TECR: variants seen among roughly 807,000 people sequenced by gnomAD.
TECR encodes the protein very-long-chain enoyl-CoA reductase.
Under a neutral mutation model 50.6 loss-of-function variants are expected in TECR, and 19 were observed. The observed-to-expected ratio is 0.38, with a 90% CI of 0.26 to 0.55. The LOEUF (loss-of-function observed/expected upper bound fraction) is 0.55. Among genes scored for constraint, TECR ranks in the 20% least tolerant of loss-of-function variants. The pLI is 0.79. For missense variants in TECR, 313 were observed against 408.3 expected (o/e 0.77, Z 2.01); for synonymous variants, 168 against 163.5 (o/e 1.03, Z -0.21).
At chr19:14,546,588 A>T (rs966476511) in intron 1 of TECR, among the ~76,000 whole-genome samples, 1 of 152,158 alleles carries the variant, frequency 6.6e-6, no homozygotes, top group Non-Finnish European at 1.5e-5. Flanking sequence ...CAGGGCTCTC[A>T]CTATCTTGGC....
intron 11 of TECR, 62 bp downstream of exon 11, chr19:14,565,352 C>G: frequency 6.3e-7 from 1 of 1,594,216 alleles, no homozygotes; most frequent in Non-Finnish European, 8.6e-7. Context: ...AGGGACCAGC[C>G]CCTAGGATGG....
At chr19:14,545,793 T>TTC (rs2146589035) in intron 1 of TECR, 2 of 153,080 alleles carry the variant, frequency 1.3e-5, no homozygotes, top group East Asian at 3.9e-4. Flanking sequence ...CTGCTGTGCT[T>TTC]GGGAAAGGGC....
intron 1 of TECR, among the ~76,000 whole-genome samples, chr19:14,536,322 T>G (rs1370408769): frequency 6.7e-6 from 1 of 149,132 alleles, no homozygotes; most frequent in East Asian, 2.0e-4. Context: ...CAGGCTGGAG[T>G]GCAGTGGTGC....
At chr19:14,535,576 ATATATATATATATGTATG>A (rs1361458603) in intron 1 of TECR, among the ~76,000 whole-genome samples, 8 of 39,886 alleles carry the variant, frequency 2.0e-4, no homozygotes, top group Admixed American at 5.3e-4. Context: ...ATATATATAT[ATATATATATATATGTATG>A]TATATATAAA....
intron 1 of TECR, among the ~76,000 whole-genome samples, chr19:14,550,560 G>T (rs1343390694): frequency 6.6e-6 from 1 of 152,182 alleles, no homozygotes; most frequent in Non-Finnish European, 1.5e-5. Flanking sequence ...CCACCCAGCT[G>T]TGGGTGCAGG....
At chr19:14,565,488 C>A in intron 11 of TECR, 130 bp from the exon 12 acceptor site, 1 of 1,450,718 alleles carries the variant, frequency 6.9e-7, no homozygotes, top group Non-Finnish European at 9.4e-7. Flanking sequence ...ACAGCCCCGC[C>A]TCCGCTGGAA....
upstream of TECR, chr19:14,529,227 C>G (rs1177674977): frequency 3.6e-6 from 1 of 278,690 alleles, no homozygotes; most frequent in Non-Finnish European, 7.3e-6. Flanking sequence ...TTTACCCCTT[C>G]GGCGCCGCCT....
intron 1 of TECR, among the ~76,000 whole-genome samples, chr19:14,546,672 T>C (rs890302605): frequency 6.6e-6 from 1 of 152,188 alleles, no homozygotes; most frequent in Non-Finnish European, 1.5e-5. Flanking sequence ...CTGAAATATT[T>C]CTTAAACATT....
At position 14,529,618 on chromosome 19, in the gene TECR, A is replaced by G; in HGVS notation, c.-79A>G. ...CGTTTAGTCTATCGCTGCGGTTGCG[A>G]GCGCTGTAGGGAGCCTGTGCTGTGC... On this transcript the variant is annotated 5_prime_UTR_variant, in exon 1 of 13. Coordinates refer to ENST00000215567, the MANE Select transcript of TECR (RefSeq NM_138501.6). 1.9e-6 allele frequency: 3 copies of G among 1,608,316 alleles called. No individual in the cohort carries two copies. Among genetic ancestry groups the G allele is most frequent in the Non-Finnish European group, 1.7e-6 (2 of 1,175,412 alleles).
Position 14,563,643 on chromosome 19 carries a change from C to T in TECR, c.119-15C>T. The T allele has an allele frequency of 1.2e-6, 2 of 1,611,136 alleles. No homozygotes were observed. The highest frequency in any genetic ancestry group is 1.7e-6 in the Non-Finnish European group (2 of 1,179,822). On this transcript the variant is annotated splice_polypyrimidine_tract_variant and intron_variant, in intron 3 of 12. Coordinates refer to ENST00000215567, the MANE Select transcript of TECR (RefSeq NM_138501.6). The surrounding 1 kb of genome is among the most constrained non-coding windows in gnomAD (Gnocchi z 5.3). ...TGCCAGGCTGTGGGCTGTAACTGCC[C>T]TGTTCTCCCCGCAGATCCGCAGTGG...
rs1192473159 is a variant in TECR, at chr19:14,563,408, C to T, written c.118+151C>T. The T allele has an allele frequency of 6.9e-6, 6 of 864,426 alleles. No homozygotes were observed. The highest frequency in any genetic ancestry group is 9.4e-6 in the Non-Finnish European group (5 of 533,526). The allele number at this position is 864,426 out of a possible 1,614,324, so 53.5% of individuals were successfully genotyped here. Reference sequence around the variant, plus strand: ...TCTGGGGCGTGACTGGGGCAGGCGCCTCCACGTGGCACTCCGCAGGAACGC... The same window carrying T: ...TCTGGGGCGTGACTGGGGCAGGCGCTTCCACGTGGCACTCCGCAGGAACGC... On this transcript the variant is annotated intron_variant, in intron 3 of 12. Coordinates refer to ENST00000215567, the MANE Select transcript of TECR (RefSeq NM_138501.6). The surrounding 1 kb of genome is among the most constrained non-coding windows in gnomAD (Gnocchi z 5.3).
At chr19:14,529,876 A>G (rs144615833) in intron 1 of TECR, 165 bp downstream of exon 1, 31 of 931,160 alleles carry the variant, frequency 3.3e-5, no homozygotes, top group Middle Eastern at 3.0e-4. Context: ...GTAAATTCCA[A>G]TGCGCATGTG....
At chr19:14,551,335 A>G (rs987694958) in intron 1 of TECR, among the ~76,000 whole-genome samples, 2 of 152,128 alleles carry the variant, frequency 1.3e-5, no homozygotes, top group African/African-American at 2.4e-5. Flanking sequence ...TCGGCCTCCC[A>G]GAGTACTGGG....
intron 1 of TECR, among the ~76,000 whole-genome samples, chr19:14,543,470 G>A (rs551287393): frequency 5.5e-5 from 5 of 90,464 alleles, no homozygotes; most frequent in Admixed American, 1.7e-4. Context: ...ACGGAGTCTC[G>A]CTCTGTCGCC....
Position 14,549,683 on chromosome 19 carries a change from G to A in TECR, c.16-12842G>A, listed in dbSNP as rs556110928. Among the ~76,000 whole-genome samples, 15 of 151,846 alleles carry A rather than the reference G, an allele frequency of 9.9e-5. No homozygotes were observed. In the East Asian group the frequency reaches 1.4e-3, roughly 14 times the overall value. On this transcript the variant is annotated intron_variant, in intron 1 of 12. Coordinates refer to ENST00000215567, the MANE Select transcript of TECR (RefSeq NM_138501.6). ...CTGTAGGCCAGGCGCAGTGGCTCAC[G>A]CCTGTAATCCCAGCACTTAGGGAGG... is the stretch of plus-strand genomic sequence containing the variant.
Position 14,564,213 on chromosome 19 carries a change from A to T in TECR, c.415A>T (p.Ile139Phe), listed in dbSNP as rs1439618990. The T allele has an allele frequency of 6.2e-7, 1 of 1,608,038 alleles. No individual in the cohort carries two copies. Among genetic ancestry groups the T allele is most frequent in the Non-Finnish European group, 8.5e-7 (1 of 1,179,790 alleles). The change falls in exon 7 of 13, where the codon ATC (isoleucine) becomes TTC (phenylalanine). Residue 139 changes from isoleucine (I) to phenylalanine (F), a missense_variant. By Grantham distance (21) the Ile-to-Phe change is conservative. Coordinates refer to ENST00000215567, the MANE Select transcript of TECR (RefSeq NM_138501.6). ...LACICHSFHYIKRLLETLFVH... is the reference protein window; with the variant it reads ...LACICHSFHYFKRLLETLFVH... ...CTGCATCTGTCACTCATTCCACTAC[A>T]TCAAGCGCCTGCTGGAGACGCTCTT... is the stretch of plus-strand genomic sequence containing the variant.
rs1399548551 is a variant in TECR at position 14,565,600 on chromosome 19, C to G, written c.754-18C>G. On this transcript the variant is annotated intron_variant, in intron 11 of 12. Transcript: ENST00000215567. ...GGTTGCGAGGCTGCCCACGCTCACT[C>G]TCCGCCCCTGCCCACAGGTGGGGTC... 1.9e-6 allele frequency: 3 copies of G among 1,608,232 alleles called. No individual in the cohort carries two copies. Among genetic ancestry groups the G allele is most frequent in the Admixed American group, 1.7e-5 (1 of 59,646 alleles).
At chr19:14,536,291 A>T (rs1487365234) in intron 1 of TECR, among the ~76,000 whole-genome samples, 2 of 145,306 alleles carry the variant, frequency 1.4e-5, no homozygotes, top group African/African-American at 5.2e-5. Flanking sequence ...TTTTCGTGAG[A>T]CAGAGTCCCC....
At chr19:14,564,739 T>G in intron 7 of TECR, 47 bp from the exon 8 acceptor site, 2 of 1,563,732 alleles carry the variant, frequency 1.3e-6, no homozygotes, top group Non-Finnish European at 8.8e-7. Flanking sequence ...AGCATCTGCC[T>G]TGTCCGGTGC....
Sources: gnomAD v4.1 joint callset for allele counts (sites outside exome capture counted in the v4.1 genomes callset) on GRCh38, gnomAD v4.1.1 for gene constraint, Gnocchi (gnomAD v3.1) non-coding constraint, MANE v1.5 for transcripts, NCBI Gene and HGNC (gene_info 2026-07-23, HGNC 2026-07-21) for gene names.